Variants in SLC45A2 observed in about 807,000 individuals in gnomAD.
The protein encoded by SLC45A2 is membrane-associated transporter protein.
Under a neutral mutation model 45.5 loss-of-function variants are expected in SLC45A2, and 36 were observed. The observed-to-expected ratio is 0.79, with a 90% CI of 0.61 to 1.04. The LOEUF is 1.04. Among genes scored for constraint, SLC45A2 ranks in the 50% least tolerant of loss-of-function variants. The probability of loss-of-function intolerance (pLI) is 0.00; values close to 1 mark genes in which losing one functional copy is unlikely to be tolerated. For missense variants in SLC45A2, 719 were observed against 671.0 expected (o/e 1.07, Z -0.79); for synonymous variants, 306 against 269.3 (o/e 1.14, Z -1.33).
intron 2 of SLC45A2, among the ~76,000 whole-genome samples, chr5:33,980,968 G>A (rs1753056962): frequency 6.6e-6 from 1 of 152,210 alleles, no homozygotes; most frequent in Admixed American, 6.5e-5. Context: ...CAAACCCTGG[G>A]GCAGGTATGA....
chr5:33,966,721 A>G (rs1378100530), intron 2 of SLC45A2, among the ~76,000 whole-genome samples: 1 of 152,246 alleles, frequency 6.6e-6, no homozygotes, highest in Non-Finnish European at 1.5e-5. Flanking sequence ...GATGTCGATT[A>G]TTAGTAAATC....
chr5:33,961,635 A>T (rs1320870878), intron 3 of SLC45A2, among the ~76,000 whole-genome samples: 2 of 152,094 alleles, frequency 1.3e-5, no homozygotes, highest in African/African-American at 4.8e-5. Context: ...TTTAAAACTA[A>T]AAGCAATTGC....
At chr5:33,958,232 T>G (rs1235607153) in intron 3 of SLC45A2, among the ~76,000 whole-genome samples, 1 of 152,168 alleles carries the variant, frequency 6.6e-6, no homozygotes, top group East Asian at 1.9e-4. Flanking sequence ...TTTTATGAGA[T>G]CTGGTTTAAA....
intron 3 of SLC45A2, among the ~76,000 whole-genome samples, chr5:33,963,262 G>A (rs1263199298): frequency 1.3e-5 from 2 of 152,124 alleles, no homozygotes; most frequent in Admixed American, 1.3e-4. Context: ...GAAAATGAAC[G>A]AAAATATCCA....
chr5:33,978,428 T>C (rs1316733650), intron 2 of SLC45A2, among the ~76,000 whole-genome samples: 1 of 152,210 alleles, frequency 6.6e-6, no homozygotes, highest in African/African-American at 2.4e-5. Context: ...TTACCAGTTT[T>C]TTTTTAGAGA....
At chr5:33,954,251 C>T (rs918047240) in intron 4 of SLC45A2, 110 bp downstream of exon 4, 2 of 1,480,510 alleles carry the variant, frequency 1.4e-6, no homozygotes, top group African/African-American at 1.4e-5. Context: ...GGTACCCTTT[C>T]CTACATTCTT....
At chr5:33,977,074 T>C (rs143296705) in intron 2 of SLC45A2, among the ~76,000 whole-genome samples, 11 of 152,096 alleles carry the variant, frequency 7.2e-5, no homozygotes, top group African/African-American at 2.7e-4. Flanking sequence ...TCAAATCCAA[T>C]AGGACTGGTG....
intron 6 of SLC45A2, chr5:33,946,344 A>G (rs762571779): frequency 4.0e-4 from 397 of 985,312 alleles, no homozygotes; most frequent in Admixed American, 5.5e-4. Flanking sequence ...GGCCAGAATT[A>G]TAGTCTGATG....
At chr5:33,960,849 T>C (rs1752434983) in intron 3 of SLC45A2, among the ~76,000 whole-genome samples, 1 of 152,214 alleles carries the variant, frequency 6.6e-6, no homozygotes, top group African/African-American at 2.4e-5. Context: ...GAAGCAGTGT[T>C]AATTTCTTAA....
intron 5 of SLC45A2, 89 bp downstream of exon 5, chr5:33,951,465 C>T: frequency 6.2e-7 from 1 of 1,608,162 alleles, no homozygotes; most frequent in Non-Finnish European, 8.5e-7. Flanking sequence ...GTATTTTAAA[C>T]AGTAGGAAAT....
chr5:33,951,221 A>G (rs1235904592), intron 5 of SLC45A2, among the ~76,000 whole-genome samples: 1 of 152,186 alleles, frequency 6.6e-6, no homozygotes, highest in Non-Finnish European at 1.5e-5. Context: ...AATGCTACCA[A>G]TGATCTTGCT....
chr5:33,950,234 T>A (rs528667790), intron 5 of SLC45A2, among the ~76,000 whole-genome samples: 1 of 152,022 alleles, frequency 6.6e-6, no homozygotes, highest in African/African-American at 2.4e-5. Flanking sequence ...TAGTGGTAAA[T>A]AGTCCCCTCA....
chr5:33,979,299 T>C (rs1753009890), intron 2 of SLC45A2, among the ~76,000 whole-genome samples: 1 of 152,184 alleles, frequency 6.6e-6, no homozygotes, highest in African/African-American at 2.4e-5. Context: ...TGATTGGCAA[T>C]TGGTTGAAAG....
chr5:33,983,752 C>T (rs145407779), intron 1 of SLC45A2, among the ~76,000 whole-genome samples: 4 of 152,318 alleles, frequency 2.6e-5, no homozygotes, highest in African/African-American at 7.2e-5. Context: ...CCTATTAAAA[C>T]GCTCTACATA....
At chr5:33,955,463 T>G (rs1179199517) in intron 3 of SLC45A2, among the ~76,000 whole-genome samples, 2 of 152,136 alleles carry the variant, frequency 1.3e-5, no homozygotes, top group Admixed American at 6.5e-5. Context: ...AGCAGCTAAG[T>G]TTGTGAAAAT....
chr5:33,984,391 G>C lies in SLC45A2; in HGVS notation c.193C>G (p.Leu65Val), dbSNP rs1248180816. 1.2e-6 allele frequency: 2 copies of C among 1,613,524 alleles called. No individual in the cohort carries two copies. Among genetic ancestry groups the C allele is most frequent in the Non-Finnish European group, 1.7e-6 (2 of 1,179,718 alleles). ...YVTPVLLSVG[L>V]PSSLYSIVWF... ...ACAATGCTGTACAGGCTGCTGGGCA[G>C]ACCTACGCTGAGCAGGACTGGGGTC... Residue 65 changes from leucine (L) to valine (V), a missense_variant, in exon 1 of 7, where the codon CTG becomes GTG. Transcript: ENST00000296589.
At chr5:33,976,655 G>T (rs1161373789) in intron 2 of SLC45A2, among the ~76,000 whole-genome samples, 1 of 152,138 alleles carries the variant, frequency 6.6e-6, no homozygotes, top group Non-Finnish European at 1.5e-5. Context: ...GATTTTAGAA[G>T]ATCTTAAAGG....
chr5:33,951,532 C>T (rs1338177264), intron 5 of SLC45A2, 22 bp downstream of exon 5: 2 of 1,613,770 alleles, frequency 1.2e-6, no homozygotes, highest in African/African-American at 2.7e-5. Context: ...AGAAGACATC[C>T]TTAGGAGAGA....
intron 6 of SLC45A2, 133 bp from the exon 7 acceptor site, chr5:33,945,005 A>AGC: frequency 3.6e-6 from 3 of 827,626 alleles, no homozygotes; most frequent in Non-Finnish European, 6.0e-6. Flanking sequence ...CCCTGGTCAT[A>AGC]ACTACTCAAC....
Sources: gnomAD v4.1 joint callset for allele counts (sites outside exome capture counted in the v4.1 genomes callset) on GRCh38, gnomAD v4.1.1 for gene constraint, MANE v1.5 for transcripts, NCBI Gene and HGNC (gene_info 2026-07-23, HGNC 2026-07-21) for gene names.